EIF4A3: variants seen among roughly 807,000 people sequenced by gnomAD.
EIF4A3 encodes eukaryotic translation initiation factor 4A3.
In EIF4A3, 1 loss-of-function variant was observed where a neutral mutation model predicts 55.6. The ratio of observed to expected loss-of-function variants is 0.02; its 90% CI spans 0.01 to 0.09. The LOEUF (loss-of-function observed/expected upper bound fraction) is 0.09. EIF4A3 is among the 10% of genes least tolerant of loss of function. EIF4A3 has a pLI of 1.00. For missense variants in EIF4A3, 221 were observed against 540.7 expected, an observed-to-expected ratio of 0.41 and a Z score of 5.86; for synonymous variants, 194 against 196.3, an observed-to-expected ratio of 0.99 and a Z score of 0.10.
At position 80,134,625 on chromosome 17, in the gene EIF4A3, A is replaced by G. The variant is rs2143978180; in HGVS notation, c.*865T>C. On this transcript the variant is annotated 3_prime_UTR_variant, in exon 12 of 12. Coordinates refer to ENST00000649764, the MANE Select transcript of EIF4A3 (RefSeq NM_014740.4). Reference sequence around the variant, plus strand: ...AATCACTTAAACCCATGAGTGACAGACCAGCCTAGGCCACAAAGTGAGACC... The same window carrying G: ...AATCACTTAAACCCATGAGTGACAGGCCAGCCTAGGCCACAAAGTGAGACC... 6.6e-6 allele frequency among the ~76,000 whole-genome samples: 1 copy of G among 152,156 alleles called. No individual in the cohort carries two copies. Among genetic ancestry groups the G allele is most frequent in the Admixed American group, 6.5e-5 (1 of 15,280 alleles).
At chr17:80,135,698 C>T (rs2039564632) in intron 11 of EIF4A3, 192 bp from the exon 12 acceptor site, 1 of 620,248 alleles carries the variant, frequency 1.6e-6, no homozygotes, top group Non-Finnish European at 2.8e-6. Context: ...GAGTTCGAGA[C>T]CAGCCTGGCC....
chr17:80,134,771 T>C lies in EIF4A3; in HGVS notation c.*719A>G, dbSNP rs144511079. 0.017 allele frequency among the ~76,000 whole-genome samples: 2,636 copies of C among 152,036 alleles called. 62 individuals carry two copies. Among genetic ancestry groups the C allele is most frequent in the African/African-American group, 0.06 (2,493 of 41,468 alleles). On this transcript the variant is annotated 3_prime_UTR_variant, in exon 12 of 12. Transcript: ENST00000649764. The stretch of plus-strand genomic sequence containing the variant: ...CCCAGGAGGTTGTGGCTGCAATGAG[T>C]TGTGATGGTGCCACTGCTCTTCAGC...
intron 1 of EIF4A3, among the ~76,000 whole-genome samples, chr17:80,146,413 C>G (rs1266433404): frequency 6.6e-6 from 1 of 152,190 alleles, no homozygotes; most frequent in Admixed American, 6.5e-5. Flanking sequence ...ATGCTTTCCC[C>G]CCAAACGAAA....
At chr17:80,136,497 G>T in intron 9 of EIF4A3, 162 bp from the exon 10 acceptor site, 1 of 620,214 alleles carries the variant, frequency 1.6e-6, no homozygotes, top group East Asian at 2.7e-5. Flanking sequence ...CTCAGGGACA[G>T]CACCAGAAAC....
intron 4 of EIF4A3, chr17:80,140,351 T>TG (rs2039607564): frequency 2.0e-6 from 1 of 500,132 alleles, no homozygotes; most frequent in African/African-American, 2.1e-5. Flanking sequence ...TCTCACTCTG[T>TG]GGCCCATGCT....
intron 4 of EIF4A3, 33 bp from the exon 5 acceptor site, chr17:80,140,173 GGA>G (rs749722477): frequency 1.3e-6 from 2 of 1,507,778 alleles, no homozygotes; most frequent in Non-Finnish European, 8.9e-7. Flanking sequence ...GTCCAGGGTG[GGA>G]GAGAGAAACA....
In EIF4A3 at chr17:80,140,033, G is replaced by T; in HGVS notation, c.480C>A (p.Val160=). The change falls in exon 5 of 12, where the codon GTC becomes GTA. Residue 160 remains valine, a synonymous_variant. Coordinates refer to ENST00000649764, the MANE Select transcript of EIF4A3 (RefSeq NM_014740.4). ...IRKLDYGQHV[V]AGTPGRVFDM... ...CAAAAACACGCCCTGGAGTGCCCGC[G>T]ACAACATGCTGTCCGTAATCCAGCT... The T allele has an allele frequency of 6.2e-7, 1 of 1,613,062 alleles. No individual in the cohort carries two copies. The highest frequency in any genetic ancestry group is 1.1e-5 in the South Asian group (1 of 90,964).
chr17:80,135,385 A>G lies in EIF4A3; in HGVS notation c.*105T>C, dbSNP rs766604487. Reference sequence around the variant, plus strand: ...AGGGAGACGGCAGGCCATTTATGAGAAGAAAGTCCATATAAACCCCATTAA... The same window carrying G: ...AGGGAGACGGCAGGCCATTTATGAGGAGAAAGTCCATATAAACCCCATTAA... On this transcript the variant is annotated 3_prime_UTR_variant, in exon 12 of 12. Transcript: ENST00000649764. 1.5e-4 allele frequency: 209 copies of G among 1,357,128 alleles called. No homozygotes were observed. Among genetic ancestry groups the G allele is most frequent in the Non-Finnish European group, 1.9e-4 (197 of 1,015,694 alleles). The allele number at this position is 1,357,128 out of a possible 1,614,324, so 84.1% of individuals were successfully genotyped here. A position where few individuals can be genotyped will look rare whatever the true frequency, so the allele number is the denominator to read the frequency against.
intron 1 of EIF4A3, 109 bp from the exon 2 acceptor site, chr17:80,144,353 G>A: frequency 1.1e-6 from 1 of 950,818 alleles, no homozygotes; most frequent in Non-Finnish European, 1.6e-6. Context: ...CTGTCCTCCA[G>A]CCTAACCCAG....
intron 1 of EIF4A3, 135 bp downstream of exon 1, chr17:80,146,658 A>C: frequency 9.2e-7 from 1 of 1,084,224 alleles, no homozygotes; most frequent in Non-Finnish European, 1.3e-6. Context: ...GTCGGACGTC[A>C]CTGGCCCCCG....
chr17:80,145,100 A>T (rs1270057103), intron 1 of EIF4A3, among the ~76,000 whole-genome samples: 7 of 152,224 alleles, frequency 4.6e-5, no homozygotes, highest in Admixed American at 3.9e-4. Context: ...CTTCATGAAG[A>T]GCAAGCACAT....
intron 2 of EIF4A3, among the ~76,000 whole-genome samples, chr17:80,143,838 G>C (rs2039637741): frequency 6.6e-6 from 1 of 152,020 alleles, no homozygotes; most frequent in Admixed American, 6.6e-5. Flanking sequence ...AAATTAGTCG[G>C]GCATGGTGGT....
At position 80,136,590 on chromosome 17, in the gene EIF4A3, G is replaced by A. The variant is rs2039572405; in HGVS notation, c.984-255C>T. ...TTAAAAAAATAGACATCTTTTACTA[G>A]ACTATCTTTAACTTGTTTAATCGGT... is the stretch of plus-strand genomic sequence containing the variant. On this transcript the variant is annotated intron_variant, in intron 9 of 11. Transcript: ENST00000649764. The A allele has an allele frequency of 5.8e-6, 3 of 515,026 alleles. No homozygotes were observed. The East Asian group carries it at 9.5e-5, about 16-fold the overall frequency. 31.9% of individuals were successfully genotyped at this position (515,026 alleles called of 1,614,324 possible). A position where few individuals can be genotyped will look rare whatever the true frequency, so the allele number is the denominator to read the frequency against.
At chr17:80,135,954 G>C (rs1312228161) in intron 11 of EIF4A3, 50 bp downstream of exon 11, 35 of 1,585,980 alleles carry the variant, frequency 2.2e-5, no homozygotes, top group Non-Finnish European at 3.0e-5. Flanking sequence ...CCCAAACTAA[G>C]AATAGGGAAG....
At chr17:80,139,438 C>A in intron 6 of EIF4A3, 1 of 616,842 alleles carries the variant, frequency 1.6e-6, no homozygotes, top group Non-Finnish European at 2.8e-6. Context: ...CCCCGAGAGT[C>A]CTAGATACCA....
chr17:80,144,121 G>A (rs2039639801), intron 2 of EIF4A3, 51 bp downstream of exon 2: 2 of 1,573,554 alleles, frequency 1.3e-6, no homozygotes, highest in Non-Finnish European at 1.7e-6. Context: ...TAACTGCACT[G>A]CGCTGCCCAA....
intron 7 of EIF4A3, 83 bp downstream of exon 7, chr17:80,138,938 T>C (rs2039595454): frequency 3.8e-6 from 6 of 1,563,258 alleles, no homozygotes; most frequent in Non-Finnish European, 5.2e-6. Flanking sequence ...ACTCTGGCTA[T>C]AAAAAGTTTT....
intron 1 of EIF4A3, 101 bp from the exon 2 acceptor site, chr17:80,144,345 G>A (rs1011877419): frequency 1.9e-6 from 2 of 1,059,054 alleles, no homozygotes; most frequent in South Asian, 2.7e-5. Flanking sequence ...TTTTGAACCT[G>A]TCCTCCAGCC....
intron 9 of EIF4A3, chr17:80,136,672 G>A (rs1388502800): frequency 2.7e-5 from 7 of 255,522 alleles, no homozygotes; most frequent in East Asian, 8.8e-5. Context: ...AATTAAAAAC[G>A]GTAACTTCAG....
Sources: allele counts gnomAD v4.1 joint callset (sites outside exome capture counted in the v4.1 genomes callset), GRCh38; gene constraint gnomAD v4.1.1; transcripts MANE v1.5; gene names NCBI Gene and HGNC (gene_info 2026-07-23, HGNC 2026-07-21).